SLC25A13: variants seen among roughly 807,000 people sequenced by gnomAD.
SLC25A13 encodes electrogenic aspartate/glutamate antiporter SLC25A13, mitochondrial.
Under a neutral mutation model 85.5 loss-of-function variants are expected in SLC25A13, and 70 were observed. That is an observed-to-expected ratio of 0.82 (90% CI 0.68 to 1.00). SLC25A13 has a LOEUF of 1.00. SLC25A13 is among the 50% of genes least tolerant of loss of function. The pLI, the probability that SLC25A13 is intolerant of heterozygous loss-of-function variation, is 0.00. For synonymous variants in SLC25A13, 259 were observed against 288.7 expected, an observed-to-expected ratio of 0.90 and a Z score of 1.04; for missense variants, 765 against 819.8, an observed-to-expected ratio of 0.93 and a Z score of 0.82.
intron 5 of SLC25A13, among the ~76,000 whole-genome samples, chr7:96,197,039 A>G (rs189694205): frequency 6.6e-6 from 1 of 152,222 alleles, no homozygotes; most frequent in Non-Finnish European, 1.5e-5. Flanking sequence ...TGAGCAAACT[A>G]AAGTCTCACT....
At chr7:96,243,176 G>GCTCT (rs1797057508) in intron 3 of SLC25A13, among the ~76,000 whole-genome samples, 1 of 152,190 alleles carries the variant, frequency 6.6e-6, no homozygotes, top group Non-Finnish European at 1.5e-5. Context: ...ATGTTGGCCA[G>GCTCT]GCTGGCCTCA....
chr7:96,199,185 C>T (rs12538111), intron 5 of SLC25A13, among the ~76,000 whole-genome samples: 81,827 of 152,010 alleles, frequency 0.54, 23,228 homozygotes, highest in Non-Finnish European at 0.63. Context: ...AAGGGTGACA[C>T]GGGCAAGGAT....
At chr7:96,275,436 G>A (rs1441602596) in intron 3 of SLC25A13, among the ~76,000 whole-genome samples, 1 of 152,090 alleles carries the variant, frequency 6.6e-6, no homozygotes, top group Admixed American at 6.6e-5. Flanking sequence ...ACATGCACAC[G>A]TATGTTTATT....
intron 13 of SLC25A13, among the ~76,000 whole-genome samples, chr7:96,150,155 T>C (rs1426802720): frequency 6.6e-6 from 1 of 151,744 alleles, no homozygotes; most frequent in Non-Finnish European, 1.5e-5. Flanking sequence ...AGTTATCATC[T>C]AGTATCTGGA....
At chr7:96,220,546 G>A (rs1490501715) in intron 4 of SLC25A13, among the ~76,000 whole-genome samples, 5 of 152,102 alleles carry the variant, frequency 3.3e-5, no homozygotes, top group Non-Finnish European at 4.4e-5. Flanking sequence ...CAAGATTACA[G>A]CAAATTTTCC....
chr7:96,152,049 G>T (rs1793071240), intron 13 of SLC25A13, among the ~76,000 whole-genome samples: 1 of 152,232 alleles, frequency 6.6e-6, no homozygotes, highest in South Asian at 2.1e-4. Context: ...CAGCTAGGAA[G>T]GTGAACCTTG....
chr7:96,209,373 C>CACACACAG (rs1310439440), intron 4 of SLC25A13, among the ~76,000 whole-genome samples: 1 of 151,716 alleles, frequency 6.6e-6, no homozygotes, highest in East Asian at 1.9e-4. Flanking sequence ...CACACACACA[C>CACACACAG]ACACACACAC....
chr7:96,208,817 CTTT>C lies in SLC25A13; in HGVS notation c.468+18_468+20del. On this transcript the variant is annotated intron_variant, in intron 5 of 17. Transcript: ENST00000265631. ...ACCGTGCCCGGCCATACCCTTTTAA[CTTT>C]TTAAGAGCTAGACCCACCAATAAAA... 1.2e-6 allele frequency: 2 copies of C among 1,613,558 alleles called. No homozygotes were observed. Among genetic ancestry groups the C allele is most frequent in the Non-Finnish European group, 1.7e-6 (2 of 1,179,738 alleles).
At chr7:96,228,593 C>T (rs1335166059) in intron 4 of SLC25A13, among the ~76,000 whole-genome samples, 1 of 152,194 alleles carries the variant, frequency 6.6e-6, no homozygotes, top group African/African-American at 2.4e-5. Flanking sequence ...TCCTCGGCCT[C>T]GGCGCCCACT....
At chr7:96,313,156 G>C (rs749334465) in intron 1 of SLC25A13, among the ~76,000 whole-genome samples, 7 of 152,178 alleles carry the variant, frequency 4.6e-5, no homozygotes, top group Non-Finnish European at 1.0e-4. Flanking sequence ...AAAGTGCAGG[G>C]CTAGAGCTTG....
At chr7:96,258,301 T>C (rs1428565097) in intron 3 of SLC25A13, among the ~76,000 whole-genome samples, 2 of 152,196 alleles carry the variant, frequency 1.3e-5, no homozygotes, top group Non-Finnish European at 2.9e-5. Flanking sequence ...CATGACATGA[T>C]TGCATATTTA....
chr7:96,299,117 A>G (rs1433042361), intron 1 of SLC25A13, among the ~76,000 whole-genome samples: 1 of 152,264 alleles, frequency 6.6e-6, no homozygotes, highest in Admixed American at 6.5e-5. Flanking sequence ...ATTCTAAAAT[A>G]GAATTAATTC....
intron 2 of SLC25A13, among the ~76,000 whole-genome samples, chr7:96,289,404 C>T (rs976236461): frequency 5.9e-5 from 9 of 152,148 alleles, no homozygotes; most frequent in African/African-American, 9.7e-5. Context: ...CAAAGCTGGA[C>T]GGACAATGAC....
rs553843491 is a variant in SLC25A13 at position 96,219,018 on chromosome 7, C to A, written c.329-10041G>T. ...AATAACATAATGGAGTAAGTGGATG[C>A]AGACCTATCTCTACTGCCATATGCT... On this transcript the variant is annotated intron_variant, in intron 4 of 17. Transcript: ENST00000265631. Among the ~76,000 whole-genome samples the A allele has an allele frequency of 2.0e-5, 3 of 152,286 alleles. No individual in the cohort carries two copies. In the South Asian group the frequency reaches 6.2e-4, roughly 32 times the overall value.
intron 8 of SLC25A13, 23 bp downstream of exon 8, chr7:96,189,552 CAAAAAA>C (rs11335226): frequency 4.2e-6 from 6 of 1,420,134 alleles, no homozygotes; most frequent in East Asian, 2.4e-5. Flanking sequence ...AAGCTAATTC[CAAAAAA>C]AAAAAAAAAA....
intron 3 of SLC25A13, among the ~76,000 whole-genome samples, chr7:96,261,193 C>T (rs560277396): frequency 1.3e-5 from 2 of 152,228 alleles, no homozygotes; most frequent in South Asian, 2.1e-4. Context: ...GAGAGATCTT[C>T]CCTGACCACT....
intron 13 of SLC25A13, among the ~76,000 whole-genome samples, chr7:96,154,988 A>C (rs888664914): frequency 6.6e-6 from 1 of 151,908 alleles, no homozygotes; most frequent in Non-Finnish European, 1.5e-5. Flanking sequence ...TTTAGTAGAG[A>C]TAGGCTTCGC....
chr7:96,254,557 T>C (rs190267433), intron 3 of SLC25A13, among the ~76,000 whole-genome samples: 4 of 152,324 alleles, frequency 2.6e-5, no homozygotes, highest in South Asian at 2.1e-4. Context: ...TTTATATAAA[T>C]ATACATATAT....
rs2116384200 is a variant in SLC25A13 at position 96,121,927 on chromosome 7, A to AGCCC, written c.1658_1661dup (p.Gln556TrpfsTer13). 6.2e-7 allele frequency: 1 copy of AGCCC among 1,614,114 alleles called. No homozygotes were observed. The highest frequency in any genetic ancestry group is 8.5e-7 in the Non-Finnish European group (1 of 1,180,018). ...TCACTCCGCTGTAAGTGGTTTGGCC[A>AGCCC]GCCCGGGCAGCCACCTGTAATCTCG... On this transcript the variant is annotated frameshift_variant, in exon 16 of 18. Coordinates refer to ENST00000265631, the MANE Select transcript of SLC25A13 (RefSeq NM_014251.3). LOFTEE classifies it high-confidence loss of function.
Sources: gnomAD v4.1 joint callset for allele counts (sites outside exome capture counted in the v4.1 genomes callset) on GRCh38, gnomAD v4.1.1 for gene constraint, MANE v1.5 for transcripts, NCBI Gene and HGNC (gene_info 2026-07-23, HGNC 2026-07-21) for gene names.